The following ITGB3BP variants were observed in gnomAD, a reference collection of about 807,000 sequenced individuals.
ITGB3BP encodes integrin subunit beta 3 binding protein.
ITGB3BP carries 27 observed loss-of-function variants against 29.1 expected under a neutral mutation model. The observed-to-expected ratio is 0.93, with a 90% CI of 0.68 to 1.28. The LOEUF (loss-of-function observed/expected upper bound fraction) is 1.28, where lower values mean the gene tolerates loss of function less well. Ranked by LOEUF, ITGB3BP falls within the 50% of genes most tolerant of loss-of-function variation. The probability of loss-of-function intolerance (pLI) is 0.00; values close to 1 mark genes in which losing one functional copy is unlikely to be tolerated. For missense variants in ITGB3BP, 192 were observed against 200.2 expected, an observed-to-expected ratio of 0.96 and a Z score of 0.25; for synonymous variants, 61 against 61.4, an observed-to-expected ratio of 0.99 and a Z score of 0.03.
At chr1:63,461,368 C>A (rs1187905064) in intron 4 of ITGB3BP, among the ~76,000 whole-genome samples, 3 of 151,724 alleles carry the variant, frequency 2.0e-5, no homozygotes, top group Non-Finnish European at 4.4e-5. Flanking sequence ...GGACCTTAAA[C>A]CCTTATTAGA....
chr1:63,506,582 C>G (rs918196307), intron 2 of ITGB3BP, among the ~76,000 whole-genome samples: 1 of 152,100 alleles, frequency 6.6e-6, no homozygotes, highest in Non-Finnish European at 1.5e-5. Flanking sequence ...ATATCAAGAG[C>G]CATAAGCAAA....
chr1:63,515,144 T>G (rs1646286288), intron 1 of ITGB3BP, among the ~76,000 whole-genome samples: 1 of 152,174 alleles, frequency 6.6e-6, no homozygotes, highest in African/African-American at 2.4e-5. Context: ...GAAACTTTCC[T>G]TTTTACATTT....
intron 7 of ITGB3BP, among the ~76,000 whole-genome samples, chr1:63,452,352 C>G (rs906168609): frequency 1.3e-5 from 2 of 152,136 alleles, no homozygotes; most frequent in East Asian, 3.9e-4. Flanking sequence ...GGAAATCACA[C>G]TATTGGTGTA....
At chr1:63,513,709 T>C (rs1314597701) in intron 1 of ITGB3BP, among the ~76,000 whole-genome samples, 1 of 152,154 alleles carries the variant, frequency 6.6e-6, no homozygotes, top group African/African-American at 2.4e-5. Context: ...ACATCTCCAA[T>C]GCCAAGTCAA....
chr1:63,507,159 A>T (rs1474964008), intron 2 of ITGB3BP, among the ~76,000 whole-genome samples: 6 of 152,240 alleles, frequency 3.9e-5, no homozygotes, highest in Admixed American at 3.9e-4. Context: ...GAAATGCCCA[A>T]GCTAGTATGC....
rs375705346 is a variant in ITGB3BP, at chr1:63,454,901, T to C, written c.322A>G (p.Ser108Gly). Residue 108 changes from serine (S) to glycine (G), a missense_variant, in exon 5 of 9, where the codon AGT becomes GGT. Ser to Gly is a moderately conservative substitution (Grantham distance 56). Transcript: ENST00000271002. The surrounding 1 kb of genome is among the most constrained non-coding windows in gnomAD (Gnocchi z 4.1). ...GAAAAAATGCAAACCTGTATACTAC[T>C]TAAATTTTGCATTATCTCCATGATT... The part of the protein sequence containing the change: ...EEIMEIMQNL[S>G]SIQALEGSRE... The C allele has an allele frequency of 3.9e-6, 6 of 1,527,338 alleles. No individual in the cohort carries two copies. Among genetic ancestry groups the C allele is most frequent in the Non-Finnish European group, 5.4e-6 (6 of 1,103,046 alleles). 94.6% of individuals were successfully genotyped at this position (1,527,338 alleles called of 1,614,324 possible). A position where few individuals can be genotyped will look rare whatever the true frequency, so the allele number is the denominator to read the frequency against.
At chr1:63,452,789 G>A (rs376014866) in intron 7 of ITGB3BP, among the ~76,000 whole-genome samples, 352 of 152,188 alleles carry the variant, frequency 2.3e-3, no homozygotes, top group African/African-American at 8.2e-3. Flanking sequence ...GAGGAGTCTT[G>A]CCATGGCTGC....
In ITGB3BP at chr1:63,514,260, C is replaced by T. The variant is rs556225655; in HGVS notation, c.6-5690G>A. On this transcript the variant is annotated intron_variant, in intron 1 of 8. Coordinates refer to ENST00000271002, the MANE Select transcript of ITGB3BP (RefSeq NM_014288.5). ...CTTAATAAGCCATTTATTTGTTTTC[C>T]TGTTGATGGACACTTGGTTTTAGTT... Among the ~76,000 whole-genome samples, 17 of 152,154 alleles carry T rather than the reference C, an allele frequency of 1.1e-4. No individual in the cohort carries two copies. In the South Asian group the frequency reaches 2.9e-3, roughly 26 times the overall value.
intron 2 of ITGB3BP, among the ~76,000 whole-genome samples, chr1:63,504,893 T>C (rs1646035530): frequency 6.6e-6 from 1 of 152,206 alleles, no homozygotes; most frequent in African/African-American, 2.4e-5. Context: ...CTTTTTGATG[T>C]GCTGCTGGAT....
intron 3 of ITGB3BP, among the ~76,000 whole-genome samples, chr1:63,481,207 A>T (rs965941234): frequency 3.7e-4 from 56 of 152,156 alleles, no homozygotes; most frequent in African/African-American, 1.3e-3. Context: ...TATTTTTATT[A>T]TAAGAGAACT....
At chr1:63,493,088 A>ACGCGCGCGCGCG (rs66981141) in intron 2 of ITGB3BP, among the ~76,000 whole-genome samples, 24 of 148,848 alleles carry the variant, frequency 1.6e-4, no homozygotes, top group East Asian at 1.4e-3. Flanking sequence ...ACACACACAC[A>ACGCGCGCGCGCG]CGCGCGCGCG....
upstream of ITGB3BP, among the ~76,000 whole-genome samples, chr1:63,527,006 C>G (rs912815183): frequency 2.0e-5 from 3 of 152,246 alleles, no homozygotes; most frequent in Admixed American, 6.5e-5. Flanking sequence ...CTCAGGTGAT[C>G]TGCCTGCCTC....
intron 4 of ITGB3BP, among the ~76,000 whole-genome samples, chr1:63,475,266 C>T (rs993798001): frequency 5.3e-5 from 8 of 152,330 alleles, no homozygotes; most frequent in African/African-American, 1.9e-4. Context: ...CATGAACCAC[C>T]ATGCCTGGCA....
chr1:63,474,761 G>T (rs1645300597), intron 4 of ITGB3BP, among the ~76,000 whole-genome samples: 1 of 148,840 alleles, frequency 6.7e-6, no homozygotes, highest in African/African-American at 2.4e-5. Context: ...ACTGCGGAAG[G>T]CCGCAGGGTC....
At chr1:63,508,875 TATAAA>T (rs1031646643) in intron 1 of ITGB3BP, among the ~76,000 whole-genome samples, 3 of 145,266 alleles carry the variant, frequency 2.1e-5, no homozygotes, top group Non-Finnish European at 4.5e-5. Flanking sequence ...TAAAAACTCT[TATAAA>T]AGTTAGTATG....
chr1:63,443,700 G>A (rs1014486950), intron 8 of ITGB3BP, among the ~76,000 whole-genome samples: 1 of 152,132 alleles, frequency 6.6e-6, no homozygotes, highest in Non-Finnish European at 1.5e-5. Flanking sequence ...GAGAGGTAAT[G>A]GAGAAATAAA....
At chr1:63,471,262 G>GTT (rs55797590) in intron 4 of ITGB3BP, among the ~76,000 whole-genome samples, 39,523 of 125,198 alleles carry the variant, frequency 0.32, 6,920 homozygotes, top group East Asian at 0.45. Flanking sequence ...TCCTCTAAAA[G>GTT]TTTTTTTTTT....
chr1:63,512,644 A>T (rs938104926), intron 1 of ITGB3BP, among the ~76,000 whole-genome samples: 63 of 152,284 alleles, frequency 4.1e-4, no homozygotes, highest in African/African-American at 1.5e-3. Flanking sequence ...GGCAAATCAC[A>T]TAATCTCACT....
chr1:63,507,426 A>G (rs1223352389), intron 2 of ITGB3BP, among the ~76,000 whole-genome samples: 1 of 152,178 alleles, frequency 6.6e-6, no homozygotes, highest in Non-Finnish European at 1.5e-5. Context: ...ACGGGTTCTG[A>G]AACGGTCATT....
Sources: allele counts gnomAD v4.1 joint callset (sites outside exome capture counted in the v4.1 genomes callset), GRCh38; gene constraint gnomAD v4.1.1; non-coding constraint Gnocchi (gnomAD v3.1); transcripts MANE v1.5; gene names NCBI Gene and HGNC (gene_info 2026-07-23, HGNC 2026-07-21).